CNTN6: variants seen among roughly 807,000 people sequenced by gnomAD.
The protein encoded by CNTN6 is contactin 6, also known as contactin-6.
Under a neutral mutation model 122.8 loss-of-function variants are expected in CNTN6, and 137 were observed. The observed-to-expected ratio is 1.12, with a 90% confidence interval of 0.97 to 1.29. The LOEUF (loss-of-function observed/expected upper bound fraction) is 1.29, where lower values mean the gene tolerates loss of function less well. CNTN6 is among the 50% of genes most tolerant of loss of function. The pLI is 0.00. For synonymous variants in CNTN6, 570 were observed against 426.0 expected (o/e 1.34, Z -4.16); for missense variants, 1,634 against 1,223.4 (o/e 1.34, Z -5.01).
intron 2 of CNTN6, among the ~76,000 whole-genome samples, chr3:1,166,850 C>T (rs1215165905): frequency 3.3e-5 from 5 of 151,936 alleles, no homozygotes; most frequent in Admixed American, 2.6e-4. Flanking sequence ...CACATGGACA[C>T]GGGAAAGGGA....
At chr3:1,341,687 G>C (rs753445996) in intron 11 of CNTN6, among the ~76,000 whole-genome samples, 24 of 152,088 alleles carry the variant, frequency 1.6e-4, no homozygotes, top group Non-Finnish European at 2.9e-4. Context: ...TAAATTTTTT[G>C]TGTATATTAA....
At chr3:1,125,502 C>T (rs1395209040) in intron 1 of CNTN6, among the ~76,000 whole-genome samples, 1 of 151,826 alleles carries the variant, frequency 6.6e-6, no homozygotes, top group Non-Finnish European at 1.5e-5. Flanking sequence ...GTAATCTGCA[C>T]ACAGTCAAAT....
chr3:1,277,368 T>C (rs1402784771), intron 4 of CNTN6, among the ~76,000 whole-genome samples: 4 of 136,086 alleles, frequency 2.9e-5, no homozygotes, highest in African/African-American at 8.2e-5. Context: ...TTTTTTTTTT[T>C]TTTTTTTTTG....
At chr3:1,123,099 T>C (rs919192573) in intron 1 of CNTN6, among the ~76,000 whole-genome samples, 2 of 151,884 alleles carry the variant, frequency 1.3e-5, no homozygotes, top group Admixed American at 6.6e-5. Context: ...AAGTTTGTTC[T>C]TTTTCCAAGT....
At position 1,363,066 on chromosome 3, in the gene CNTN6, A is replaced by C. The variant is rs1346225799; in HGVS notation, c.1493-9233A>C. ...AGACAAAATAAAGATGCTTTCAAAC[A>C]AACAAAACCTGAGAGAATCCCCATC... On this transcript the variant is annotated intron_variant, in intron 12 of 22. Transcript: ENST00000446702. Among the ~76,000 whole-genome samples the C allele has an allele frequency of 5.9e-5, 9 of 151,976 alleles. No homozygotes were observed. The East Asian group carries it at 1.5e-3, about 26-fold the overall frequency.
intron 2 of CNTN6, among the ~76,000 whole-genome samples, chr3:1,168,889 A>G (rs569957238): frequency 6.6e-6 from 1 of 152,370 alleles, no homozygotes; most frequent in Non-Finnish European, 1.5e-5. Flanking sequence ...TTTTAAGAAA[A>G]TACAAGTTTT....
At chr3:1,180,996 T>C (rs2314150) in intron 2 of CNTN6, among the ~76,000 whole-genome samples, 55,949 of 151,902 alleles carry the variant, frequency 0.37, 11,132 homozygotes, top group East Asian at 0.75. Flanking sequence ...GTCCTTGGCC[T>C]TGGTTTCTTA....
intron 1 of CNTN6, among the ~76,000 whole-genome samples, chr3:1,103,833 C>T (rs1471221037): frequency 3.3e-5 from 5 of 152,076 alleles, no homozygotes; most frequent in African/African-American, 7.2e-5. Flanking sequence ...CTTTAGGTAT[C>T]CAAAAATAAT....
At chr3:1,372,519 CTT>C in intron 13 of CNTN6, 45 bp downstream of exon 13, 1 of 1,442,116 alleles carries the variant, frequency 6.9e-7, no homozygotes, top group East Asian at 2.4e-5. Flanking sequence ...TGAATCAAGT[CTT>C]TTACATGAAT....
In CNTN6 at chr3:1,373,738, G is replaced by A. The variant is rs369695624; in HGVS notation, c.1921G>A (p.Val641Met). 6 of 1,609,296 alleles carry A rather than the reference G, an allele frequency of 3.7e-6. No homozygotes were observed. The African/African-American group carries it at 8.0e-5, about 22-fold the overall frequency. ...TATTCAGACTCGGACACCATTTTCT[G>A]TGGGTTGGCAGGCTGTTGCTACAGG... ...FTIQTRTPFS[V>M]GWQAVATVPE... The change falls in exon 15 of 23, where the codon GTG becomes ATG. Residue 641 changes from valine (V) to methionine (M), a missense_variant. Coordinates refer to ENST00000446702, the MANE Select transcript of CNTN6 (RefSeq NM_001289080.2).
chr3:1,259,224 T>C (rs1278246222), intron 4 of CNTN6, among the ~76,000 whole-genome samples: 1 of 152,086 alleles, frequency 6.6e-6, no homozygotes, highest in Non-Finnish European at 1.5e-5. Context: ...TGGGTACTAT[T>C]TATAACCATG....
At chr3:1,156,486 G>A (rs1000969686) in intron 2 of CNTN6, among the ~76,000 whole-genome samples, 8 of 152,114 alleles carry the variant, frequency 5.3e-5, no homozygotes, top group South Asian at 2.1e-4. Context: ...TATTTGACTC[G>A]TTATACCTCA....
chr3:1,355,571 A>G (rs530626657), intron 12 of CNTN6, among the ~76,000 whole-genome samples: 5 of 151,840 alleles, frequency 3.3e-5, no homozygotes, highest in African/African-American at 9.6e-5. Flanking sequence ...GTTGTTTCTT[A>G]AGATGGCTTA....
At chr3:1,347,420 A>G (rs1704901671) in intron 11 of CNTN6, among the ~76,000 whole-genome samples, 2 of 152,150 alleles carry the variant, frequency 1.3e-5, no homozygotes, top group African/African-American at 4.8e-5. Flanking sequence ...GAATAAAGAC[A>G]TGAGAGAAAT....
At chr3:1,166,754 G>A (rs755472387) in intron 2 of CNTN6, among the ~76,000 whole-genome samples, 41 of 152,082 alleles carry the variant, frequency 2.7e-4, no homozygotes, top group Non-Finnish European at 4.7e-4. Context: ...GAAGCTGGAA[G>A]CCATCATTCT....
chr3:1,367,924 C>A (rs1708474371), intron 12 of CNTN6, among the ~76,000 whole-genome samples: 1 of 152,320 alleles, frequency 6.6e-6, no homozygotes, highest in East Asian at 1.9e-4. Context: ...TCGCCGGAGG[C>A]TGTCTCTGTG....
At chr3:1,119,785 T>C (rs2091883148) in intron 1 of CNTN6, among the ~76,000 whole-genome samples, 1 of 152,068 alleles carries the variant, frequency 6.6e-6, no homozygotes, top group African/African-American at 2.4e-5. Flanking sequence ...GTTAAATGAA[T>C]TTGAAAAACG....
At chr3:1,284,005 GCAAACAAA>G (rs1040744077) in intron 5 of CNTN6, among the ~76,000 whole-genome samples, 5 of 152,074 alleles carry the variant, frequency 3.3e-5, no homozygotes, top group Non-Finnish European at 7.4e-5. Context: ...ATCTCAAAAA[GCAAACAAA>G]CAAACAAACA....
chr3:1,311,645 AG>A (rs1699338346), intron 7 of CNTN6, among the ~76,000 whole-genome samples: 1 of 151,072 alleles, frequency 6.6e-6, no homozygotes, highest in African/African-American at 2.4e-5. Context: ...AATATAGGCA[AG>A]AAAAAAGGAG....
Sources: allele counts gnomAD v4.1 joint callset (sites outside exome capture counted in the v4.1 genomes callset), GRCh38; gene constraint gnomAD v4.1.1; transcripts MANE v1.5; gene names NCBI Gene and HGNC (gene_info 2026-07-23, HGNC 2026-07-21).